Variants in CD247 observed in about 807,000 individuals in gnomAD.
CD247 encodes CD247 molecule.
CD247 carries 13 observed loss-of-function variants against 30.0 expected under a neutral mutation model. That is an observed-to-expected ratio of 0.43 (90% CI 0.28 to 0.69). CD247 has a LOEUF of 0.69. CD247 is among the 30% of genes least tolerant of loss of function. The pLI, the probability that CD247 is intolerant of heterozygous loss-of-function variation, is 0.16. For missense variants in CD247, 193 were observed against 212.6 expected (o/e 0.91, Z 0.57); for synonymous variants, 72 against 80.0 (o/e 0.90, Z 0.53).
chr1:167,465,774 CA>C (rs760886477), intron 1 of CD247, among the ~76,000 whole-genome samples: 23 of 152,336 alleles, frequency 1.5e-4, no homozygotes, highest in Non-Finnish European at 2.9e-4. Flanking sequence ...CCTAGGCTGC[CA>C]GACACTTCTG....
intron 1 of CD247, among the ~76,000 whole-genome samples, chr1:167,513,033 A>G (rs1452669311): frequency 6.6e-6 from 1 of 152,250 alleles, no homozygotes; most frequent in African/African-American, 2.4e-5. Flanking sequence ...TTGCCCAAGA[A>G]AGTAACAAAA....
At chr1:167,487,738 GT>G (rs1010383402) in intron 1 of CD247, among the ~76,000 whole-genome samples, 1 of 152,150 alleles carries the variant, frequency 6.6e-6, no homozygotes, top group Non-Finnish European at 1.5e-5. Context: ...ACACTACCTT[GT>G]TTTTTTCGAG....
chr1:167,448,342 C>T, intron 1 of CD247: 2 of 985,326 alleles, frequency 2.0e-6, no homozygotes, highest in South Asian at 9.4e-5. Flanking sequence ...TTGGTACTGA[C>T]CTTCAAAGAC....
At chr1:167,485,867 T>C (rs894159928) in intron 1 of CD247, among the ~76,000 whole-genome samples, 1 of 151,986 alleles carries the variant, frequency 6.6e-6, no homozygotes, top group African/African-American at 2.4e-5. Flanking sequence ...AAGAGGGCTG[T>C]GGATGTTGGG....
intron 6 of CD247, 21 bp from the exon 7 acceptor site, chr1:167,433,080 T>C (rs1354863721): frequency 6.2e-7 from 1 of 1,613,306 alleles, no homozygotes; most frequent in Admixed American, 1.7e-5. Flanking sequence ...GGGAGTGAAA[T>C]GAGAAAAGGA....
chr1:167,431,954 G>A (rs909233508), intron 7 of CD247, among the ~76,000 whole-genome samples: 3 of 152,206 alleles, frequency 2.0e-5, no homozygotes, highest in African/African-American at 4.8e-5. Context: ...GCCCTGCCGG[G>A]AATGGCCTTG....
At chr1:167,483,032 G>C (rs1295055588) in intron 1 of CD247, among the ~76,000 whole-genome samples, 2 of 105,326 alleles carry the variant, frequency 1.9e-5, no homozygotes, top group Admixed American at 2.5e-4. Flanking sequence ...TTTTGAGACT[G>C]AGTTTCGCTG....
At chr1:167,476,571 C>G (rs1268866184) in intron 1 of CD247, among the ~76,000 whole-genome samples, 1 of 152,096 alleles carries the variant, frequency 6.6e-6, no homozygotes, top group East Asian at 1.9e-4. Context: ...GCCTGTAATC[C>G]CAGCACTTTG....
intron 1 of CD247, among the ~76,000 whole-genome samples, chr1:167,468,662 C>T (rs1653374501): frequency 6.6e-6 from 1 of 152,146 alleles, no homozygotes; most frequent in South Asian, 2.1e-4. Context: ...TCACCAGACA[C>T]CTGGGAAGGG....
intron 1 of CD247, among the ~76,000 whole-genome samples, chr1:167,463,440 C>T (rs569444521): frequency 6.6e-6 from 1 of 152,308 alleles, no homozygotes; most frequent in East Asian, 1.9e-4. Context: ...AAAAAGTCAT[C>T]ATTTCTTTTT....
chr1:167,508,750 T>A (rs1389143588), intron 1 of CD247, among the ~76,000 whole-genome samples: 2 of 152,206 alleles, frequency 1.3e-5, no homozygotes, highest in Non-Finnish European at 2.9e-5. Context: ...CTTCCTTTGC[T>A]ACTAAACTCA....
At chr1:167,476,178 T>C (rs1653737138) in intron 1 of CD247, among the ~76,000 whole-genome samples, 1 of 152,140 alleles carries the variant, frequency 6.6e-6, no homozygotes, top group Admixed American at 6.5e-5. Context: ...GCTATAACAT[T>C]ATGGGTTGAA....
intron 1 of CD247, among the ~76,000 whole-genome samples, chr1:167,485,251 T>C (rs1654155639): frequency 6.6e-6 from 1 of 152,196 alleles, no homozygotes; most frequent in African/African-American, 2.4e-5. Flanking sequence ...AGCAGCCAAC[T>C]CAGCCCATCC....
intron 1 of CD247, among the ~76,000 whole-genome samples, chr1:167,474,937 G>C (rs140498529): frequency 2.0e-5 from 3 of 151,526 alleles, no homozygotes; most frequent in Non-Finnish European, 2.9e-5. Flanking sequence ...ATTTATAGTA[G>C]AGACAGGTTT....
intron 1 of CD247, among the ~76,000 whole-genome samples, chr1:167,495,447 C>T (rs1032939190): frequency 1.3e-5 from 2 of 152,154 alleles, no homozygotes; most frequent in Admixed American, 6.5e-5. Context: ...TTATCACCTA[C>T]GCAGTGCTTG....
At chr1:167,496,999 T>G (rs1183032966) in intron 1 of CD247, among the ~76,000 whole-genome samples, 2 of 152,120 alleles carry the variant, frequency 1.3e-5, no homozygotes, top group Non-Finnish European at 2.9e-5. Flanking sequence ...TCCAAAGAAA[T>G]AGCCACAAAT....
chr1:167,495,339 AG>A (rs1248301118), intron 1 of CD247, among the ~76,000 whole-genome samples: 1 of 152,212 alleles, frequency 6.6e-6, no homozygotes, highest in East Asian at 1.9e-4. Flanking sequence ...TGCTCACCCC[AG>A]AGCTTGGGAC....
At chr1:167,476,910 G>GT (rs1558016508) in intron 1 of CD247, among the ~76,000 whole-genome samples, 1 of 152,138 alleles carries the variant, frequency 6.6e-6, no homozygotes, top group Non-Finnish European at 1.5e-5. Context: ...ACCCTATGCC[G>GT]TATGTTTTAT....
intron 1 of CD247, among the ~76,000 whole-genome samples, chr1:167,451,415 T>C (rs934870512): frequency 1.3e-5 from 2 of 152,208 alleles, no homozygotes; most frequent in African/African-American, 2.4e-5. Context: ...CAGGACAGGC[T>C]TCAAATCAGC....
Sources: gnomAD v4.1 joint callset for allele counts (sites outside exome capture counted in the v4.1 genomes callset) on GRCh38, gnomAD v4.1.1 for gene constraint, MANE v1.5 for transcripts, NCBI Gene and HGNC (gene_info 2026-07-23, HGNC 2026-07-21) for gene names.